Variants in CLIP4 observed in about 807,000 individuals in gnomAD.
The protein encoded by CLIP4 is CAP-Gly domain containing linker protein family member 4, also known as CAP-Gly domain-containing linker protein 4.
In CLIP4, 47 loss-of-function variants were observed where a neutral mutation model predicts 73.1. The ratio of observed to expected loss-of-function variants is 0.64; its 90% CI spans 0.51 to 0.82. CLIP4 has a LOEUF of 0.82. Among genes scored for constraint, CLIP4 ranks in the 40% least tolerant of loss-of-function variants. The pLI, the probability that CLIP4 is intolerant of heterozygous loss-of-function variation, is 0.00. For missense variants in CLIP4, 874 were observed against 852.9 expected (o/e 1.02, Z -0.31); for synonymous variants, 306 against 295.4 (o/e 1.04, Z -0.37).
Position 29,130,316 on chromosome 2 carries a change from G to A in CLIP4, c.134-942G>A, listed in dbSNP as rs114286611. ...TAAGTTAGTAAAAAACTGCAAATAG[G>A]GAGACTTCCAAATCAAAAGTGGTAA... On this transcript the variant is annotated intron_variant, in intron 2 of 15. Transcript: ENST00000320081. Among the ~76,000 whole-genome samples, 1,253 of 152,160 alleles carry A rather than the reference G, an allele frequency of 8.2e-3. 15 individuals carry two copies. Among genetic ancestry groups the A allele is most frequent in the African/African-American group, 0.028 (1,159 of 41,516 alleles).
chr2:29,135,179 A>ACT (rs1187077530), intron 5 of CLIP4, among the ~76,000 whole-genome samples: 1 of 152,044 alleles, frequency 6.6e-6, no homozygotes, highest in Non-Finnish European at 1.5e-5. Context: ...CCTGAGCTAA[A>ACT]CTCTACTACT....
intron 4 of CLIP4, 109 bp downstream of exon 4, chr2:29,132,354 A>T: frequency 2.4e-6 from 2 of 843,284 alleles, no homozygotes; most frequent in Non-Finnish European, 3.9e-6. Flanking sequence ...GCTGATGATG[A>T]TAATATTGCC....
intron 2 of CLIP4, among the ~76,000 whole-genome samples, chr2:29,122,240 C>CTTTTTTTTTTTT (rs11359647): frequency 1.5e-5 from 2 of 135,274 alleles, no homozygotes; most frequent in Non-Finnish European, 3.2e-5. Flanking sequence ...CTCCAAGTTT[C>CTTTTTTTTTTTT]TTTTTTTTTT....
intron 8 of CLIP4, among the ~76,000 whole-genome samples, chr2:29,148,126 TGGG>T (rs1267083970): frequency 6.6e-6 from 1 of 152,124 alleles, no homozygotes; most frequent in Non-Finnish European, 1.5e-5. Context: ...AGGCAAGTTG[TGGG>T]GCAGGGGTCA....
rs571736958 is a variant in CLIP4, at chr2:29,175,890, C to T, written c.1796+1445C>T. On this transcript the variant is annotated intron_variant, in intron 15 of 15. Coordinates refer to ENST00000320081, the MANE Select transcript of CLIP4 (RefSeq NM_024692.6). ...CATTCTTCTGTCTCAGCCTCCCAAG[C>T]AGCTGGGACTACAGGCGCCCGCCAC... Among the ~76,000 whole-genome samples, 144 of 151,940 alleles carry T rather than the reference C, an allele frequency of 9.5e-4. 1 individual carries two copies. Among genetic ancestry groups the T allele is most frequent in the African/African-American group, 3.1e-3 (128 of 41,482 alleles).
Position 29,182,017 on chromosome 2 carries a change from AT to A in CLIP4, c.*126del. The A allele has an allele frequency of 1.3e-6, 1 of 745,204 alleles. No homozygotes were observed. The highest frequency in any genetic ancestry group is 2.1e-6 in the Non-Finnish European group (1 of 483,010). The allele number at this position is 745,204 out of a possible 1,614,324, so 46.2% of individuals were successfully genotyped here. On this transcript the variant is annotated 3_prime_UTR_variant, in exon 16 of 16. Transcript: ENST00000320081. The stretch of plus-strand genomic sequence containing the variant: ...AAATATAGTTATCTTCTTAAAAACC[AT>A]TATAACAATTCAGAGAGAGTTCTTT...
chr2:29,141,664 G>C (rs1665776376), intron 6 of CLIP4, among the ~76,000 whole-genome samples: 1 of 152,082 alleles, frequency 6.6e-6, no homozygotes, highest in African/African-American at 2.4e-5. Context: ...TTGCATGATA[G>C]ATCTCTCTCC....
At chr2:29,153,209 G>A (rs1296158455) in intron 9 of CLIP4, among the ~76,000 whole-genome samples, 4 of 152,000 alleles carry the variant, frequency 2.6e-5, no homozygotes, top group Non-Finnish European at 4.4e-5. Flanking sequence ...TAGCAGTTGC[G>A]GCTCTCTTTC....
rs545051899 is a variant in CLIP4, at chr2:29,155,143, A to G, written c.1166-1211A>G. On this transcript the variant is annotated intron_variant, in intron 9 of 15. Coordinates refer to ENST00000320081, the MANE Select transcript of CLIP4 (RefSeq NM_024692.6). ...GTAATGTAACCACACTCCAAGAATT[A>G]AGGGTGTAGCTGGGCATTGTGGTGC... 2.0e-5 allele frequency among the ~76,000 whole-genome samples: 3 copies of G among 152,302 alleles called. No individual in the cohort carries two copies. In the South Asian group the frequency reaches 6.2e-4, roughly 32 times the overall value.
chr2:29,150,118 C>T (rs1320223748), intron 8 of CLIP4, among the ~76,000 whole-genome samples: 1 of 152,212 alleles, frequency 6.6e-6, no homozygotes, highest in Non-Finnish European at 1.5e-5. Flanking sequence ...AGAAAGCCAA[C>T]ATGCTACATC....
In CLIP4 at chr2:29,133,787, G is replaced by A. The variant is rs770634141; in HGVS notation, c.500G>A (p.Arg167Lys). The A allele has an allele frequency of 6.2e-7, 1 of 1,607,714 alleles. No homozygotes were observed. Among genetic ancestry groups the A allele is most frequent in the South Asian group, 1.1e-5 (1 of 89,260 alleles). The stretch of plus-strand genomic sequence containing the variant: ...TATTTTGATGTCCCTGAACTTATAA[G>A]AGTGATTTTGAAAACATCGAAACCA... The part of the protein sequence containing the change: ...AAYFDVPELI[R>K]VILKTSKPKD... Residue 167 changes from arginine to lysine, a missense_variant, in exon 5 of 16, where the codon AGA becomes AAA. Physicochemically the swap from Arg to Lys is conservative, Grantham distance 26 (BLOSUM62 2). Transcript: ENST00000320081.
intron 13 of CLIP4, among the ~76,000 whole-genome samples, chr2:29,164,925 T>C (rs927515487): frequency 7.9e-5 from 12 of 152,252 alleles, no homozygotes; most frequent in African/African-American, 2.9e-4. Context: ...TATAAAGTAT[T>C]TTCACTTAAG....
chr2:29,162,235 G>T (rs898905749), intron 12 of CLIP4, among the ~76,000 whole-genome samples: 2 of 152,086 alleles, frequency 1.3e-5, no homozygotes, highest in East Asian at 1.9e-4. Context: ...TTAGAAATTT[G>T]GGAAGTAGTA....
intron 15 of CLIP4, among the ~76,000 whole-genome samples, chr2:29,178,202 CAG>C (rs1181079953): frequency 1.4e-5 from 2 of 148,146 alleles, no homozygotes; most frequent in African/African-American, 5.0e-5. Flanking sequence ...TTTTTTGAGA[CAG>C]AGTTTCGCTC....
intron 14 of CLIP4, 24 bp from the exon 15 acceptor site, chr2:29,174,349 G>A (rs767043137): frequency 5.7e-6 from 9 of 1,587,422 alleles, no homozygotes; most frequent in Non-Finnish European, 6.9e-6. Flanking sequence ...TTTTTCCTCT[G>A]CTAACCCCAA....
At chr2:29,161,392 A>G (rs533209039) in intron 12 of CLIP4, among the ~76,000 whole-genome samples, 181 of 152,284 alleles carry the variant, frequency 1.2e-3, no homozygotes, top group African/African-American at 4.1e-3. Flanking sequence ...GCATTGCAGC[A>G]TTTTAGGAAA....
chr2:29,163,936 C>T lies in CLIP4; in HGVS notation c.1640C>T (p.Pro547Leu), dbSNP rs1239660166. 6.2e-7 allele frequency: 1 copy of T among 1,613,112 alleles called. No individual in the cohort carries two copies. The highest frequency in any genetic ancestry group is 2.2e-5 in the East Asian group (1 of 44,842). The change falls in exon 13 of 16, where the codon CCC becomes CTC. Residue 547 changes from proline to leucine, a missense_variant. Pro to Leu is a moderately conservative substitution (Grantham distance 98, BLOSUM62 -3). Coordinates refer to ENST00000320081, the MANE Select transcript of CLIP4 (RefSeq NM_024692.6). ...SCSPRYGIFA[P>L]PSRVQRVTDS... ...TCTCCAAGATATGGAATATTTGCTC[C>T]CCCATCCAGGGTGCAAAGGTGAGAG...
Position 29,143,813 on chromosome 2 carries a change from T to C in CLIP4, c.753T>C (p.Leu251=). 1 of 1,614,122 alleles carries C rather than the reference T, an allele frequency of 6.2e-7. No homozygotes were observed. The highest frequency in any genetic ancestry group is 1.7e-5 in the Admixed American group (1 of 60,018). Residue 251 remains leucine (L), a synonymous_variant, in exon 7 of 16, where the codon CTT becomes CTC. Coordinates refer to ENST00000320081, the MANE Select transcript of CLIP4 (RefSeq NM_024692.6). ...CTGCTAAGGAAATCAAGCAGATGCT[T>C]CTAGATGCGGTGCCTCTGTCATGTA... The part of the protein sequence containing the change: ...AATAKEIKQM[L]LDAVPLSCNI...
chr2:29,143,897 G>A lies in CLIP4; in HGVS notation c.837G>A (p.Thr279=), dbSNP rs144223606. The A allele has an allele frequency of 2.1e-3, 3,326 of 1,614,142 alleles. 2 individuals carry two copies. Among genetic ancestry groups the A allele is most frequent in the Non-Finnish European group, 2.5e-3 (2,986 of 1,180,002 alleles). The part of the protein sequence containing the change: ...YDHVTGKAML[T]SLGLKLGDRV... ...ATGTCACTGGCAAGGCAATGCTTAC[G>A]TCACTTGGCCTGAAGTTGGGGGATC... is the stretch of plus-strand genomic sequence containing the variant. The change falls in exon 7 of 16, where the codon ACG becomes ACA. Residue 279 remains threonine, a synonymous_variant. Coordinates refer to ENST00000320081, the MANE Select transcript of CLIP4 (RefSeq NM_024692.6).
Sources: gnomAD v4.1 joint callset for allele counts (sites outside exome capture counted in the v4.1 genomes callset) on GRCh38, gnomAD v4.1.1 for gene constraint, MANE v1.5 for transcripts, NCBI Gene and HGNC (gene_info 2026-07-23, HGNC 2026-07-21) for gene names.